CHL1: variants seen among roughly 807,000 people sequenced by gnomAD.
The protein encoded by CHL1 is cell adhesion molecule L1 like, also known as neural cell adhesion molecule L1-like protein.
CHL1 carries 96 observed loss-of-function variants against 141.9 expected under a neutral mutation model. The ratio of observed to expected loss-of-function variants is 0.68; its 90% CI spans 0.57 to 0.80. The LOEUF is 0.80. Ranked by LOEUF, CHL1 falls within the 30% of genes least tolerant of loss-of-function variation. The probability of loss-of-function intolerance (pLI) is 0.00; values close to 1 mark genes in which losing one functional copy is unlikely to be tolerated. For missense variants in CHL1, 1,820 were observed against 1,457.2 expected, an observed-to-expected ratio of 1.25 and a Z score of -4.05; for synonymous variants, 613 against 502.2, an observed-to-expected ratio of 1.22 and a Z score of -2.95.
intron 1 of CHL1, among the ~76,000 whole-genome samples, chr3:216,212 T>C (rs963217071): frequency 6.6e-6 from 1 of 152,218 alleles, no homozygotes; most frequent in South Asian, 2.1e-4. Context: ...ATTGAAGTGC[T>C]ATGGGGGATA....
intron 12 of CHL1, 25 bp from the exon 13 acceptor site, chr3:361,674 C>G: frequency 3.9e-6 from 6 of 1,529,536 alleles, no homozygotes; most frequent in Non-Finnish European, 5.4e-6. Flanking sequence ...AAGTTTAAAA[C>G]TGCGTTTATG....
chr3:335,156 AG>A (rs891540594), intron 5 of CHL1, among the ~76,000 whole-genome samples: 1 of 152,140 alleles, frequency 6.6e-6, no homozygotes, highest in African/African-American at 2.4e-5. Flanking sequence ...CTGATTTTGG[AG>A]GGGGAGTGTA....
At chr3:358,723 T>C (rs1450471857) in intron 11 of CHL1, among the ~76,000 whole-genome samples, 1 of 152,020 alleles carries the variant, frequency 6.6e-6, no homozygotes, top group African/African-American at 2.4e-5. Context: ...AATCTTCATT[T>C]GTGACTCCTA....
At chr3:261,501 C>A (rs570167339) in intron 2 of CHL1, among the ~76,000 whole-genome samples, 1 of 152,094 alleles carries the variant, frequency 6.6e-6, no homozygotes. Flanking sequence ...AAATCATATT[C>A]TATCTTTAAA....
At chr3:290,333 G>A (rs1206769216) in intron 2 of CHL1, among the ~76,000 whole-genome samples, 1 of 152,074 alleles carries the variant, frequency 6.6e-6, no homozygotes, top group Non-Finnish European at 1.5e-5. Context: ...GTTGGGGAAA[G>A]ATCACACAAA....
At chr3:325,905 A>G (rs572280403) in intron 3 of CHL1, 54 bp from the exon 4 acceptor site, 12 of 1,224,898 alleles carry the variant, frequency 9.8e-6, no homozygotes, top group African/African-American at 1.5e-5. Context: ...GCTATAGATT[A>G]ACCTTGCCTG....
chr3:394,451 C>T (rs1370120507), intron 23 of CHL1, among the ~76,000 whole-genome samples: 2 of 151,936 alleles, frequency 1.3e-5, no homozygotes, highest in African/African-American at 4.8e-5. Context: ...GATTCAAATC[C>T]CAGTCTGCAA....
At chr3:276,516 C>T (rs1696113140) in intron 2 of CHL1, among the ~76,000 whole-genome samples, 1 of 152,122 alleles carries the variant, frequency 6.6e-6, no homozygotes, top group African/African-American at 2.4e-5. Context: ...ACTTCAGTTC[C>T]AAGGAAAATC....
At chr3:211,704 G>T (rs192575844) in intron 1 of CHL1, among the ~76,000 whole-genome samples, 4 of 152,062 alleles carry the variant, frequency 2.6e-5, no homozygotes, top group Non-Finnish European at 5.9e-5. Context: ...GTATTGCACC[G>T]TAGTTTTCAT....
intron 5 of CHL1, among the ~76,000 whole-genome samples, chr3:335,224 C>T (rs1701769391): frequency 6.6e-6 from 1 of 152,164 alleles, no homozygotes; most frequent in Non-Finnish European, 1.5e-5. Context: ...TCAACAAAAA[C>T]AGATCAATTT....
intron 13 of CHL1, among the ~76,000 whole-genome samples, chr3:362,695 G>A (rs1385800143): frequency 1.3e-5 from 2 of 152,120 alleles, no homozygotes; most frequent in African/African-American, 4.8e-5. Flanking sequence ...TAGCAGCAAG[G>A]GCTTGGAAAT....
At chr3:278,759 T>C (rs1696377744) in intron 2 of CHL1, among the ~76,000 whole-genome samples, 1 of 152,224 alleles carries the variant, frequency 6.6e-6, no homozygotes, top group Non-Finnish European at 1.5e-5. Context: ...CACACTGCTA[T>C]TCAGTAAAGG....
At chr3:295,637 C>T (rs1196704088) in intron 2 of CHL1, among the ~76,000 whole-genome samples, 3 of 152,174 alleles carry the variant, frequency 2.0e-5, no homozygotes, top group African/African-American at 7.2e-5. Context: ...GTTAGCACCA[C>T]TCTAAAACAG....
At chr3:275,036 C>T (rs1291690405) in intron 2 of CHL1, among the ~76,000 whole-genome samples, 1 of 152,218 alleles carries the variant, frequency 6.6e-6, no homozygotes, top group Non-Finnish European at 1.5e-5. Context: ...TGTGGTCCTA[C>T]TCACCACTGC....
At position 377,898 on chromosome 3, in the gene CHL1, C is replaced by A; in HGVS notation, c.1832C>A (p.Thr611Asn). 1 of 1,612,968 alleles carries A rather than the reference C, an allele frequency of 6.2e-7. No homozygotes were observed. The highest frequency in any genetic ancestry group is 8.5e-7 in the Non-Finnish European group (1 of 1,179,354). ...DQGIYCCSAH[T>N]ALDSAADITQ... The stretch of plus-strand genomic sequence containing the variant: ...GGTATTTACTGCTGTTCAGCTCATA[C>A]TGCTCTAGACAGTGCTGCCGATATA... The change falls in exon 16 of 28, where the codon ACT (threonine) becomes AAT (asparagine). Residue 611 changes from threonine (T) to asparagine (N), a missense_variant. Transcript: ENST00000256509.
chr3:369,923 C>G (rs57925248), intron 15 of CHL1, among the ~76,000 whole-genome samples: 9,097 of 152,268 alleles, frequency 0.06, 926 homozygotes, highest in African/African-American at 0.21. Context: ...TATGTTGAAT[C>G]AGCCTTGAAT....
chr3:222,944 C>A (rs1275490710), intron 1 of CHL1, among the ~76,000 whole-genome samples: 1 of 152,060 alleles, frequency 6.6e-6, no homozygotes, highest in Non-Finnish European at 1.5e-5. Flanking sequence ...TCCTTTCTTT[C>A]TGGGCTCTGT....
intron 1 of CHL1, among the ~76,000 whole-genome samples, chr3:233,828 T>G (rs13078683): frequency 0.5 from 76,602 of 151,892 alleles, 20,939 homozygotes; most frequent in Non-Finnish European, 0.61. Context: ...ATTGGGCACT[T>G]AGGTTGTCAC....
chr3:216,107 C>T (rs1700296087), intron 1 of CHL1, among the ~76,000 whole-genome samples: 1 of 151,832 alleles, frequency 6.6e-6, no homozygotes, highest in Non-Finnish European at 1.5e-5. Flanking sequence ...AAAATGTAAA[C>T]AAAAATTGAT....
Sources: gnomAD v4.1 joint callset for allele counts (sites outside exome capture counted in the v4.1 genomes callset) on GRCh38, gnomAD v4.1.1 for gene constraint, MANE v1.5 for transcripts, NCBI Gene and HGNC (gene_info 2026-07-23, HGNC 2026-07-21) for gene names.